The following EFL1 variants were observed in gnomAD, a reference collection of about 807,000 sequenced individuals.
EFL1 encodes the protein elongation factor like GTPase 1, also known as elongation factor-like GTPase 1.
In EFL1, 76 loss-of-function variants were observed where a neutral mutation model predicts 126.7. The observed-to-expected ratio is 0.60, with a 90% confidence interval of 0.50 to 0.73. The LOEUF (loss-of-function observed/expected upper bound fraction) is 0.73, where lower values mean the gene tolerates loss of function less well. EFL1 is among the 30% of genes least tolerant of loss of function. EFL1 has a pLI of 0.00. For missense variants in EFL1, 1,128 were observed against 1,343.2 expected (o/e 0.84, Z 2.50); for synonymous variants, 410 against 448.4 (o/e 0.91, Z 1.08).
chr15:82,246,749 G>C (rs2074976520), intron 4 of EFL1, among the ~76,000 whole-genome samples: 1 of 152,102 alleles, frequency 6.6e-6, no homozygotes, highest in Non-Finnish European at 1.5e-5. Context: ...AGATACAGTG[G>C]CAAGCAGGTG....
At chr15:82,183,908 TA>T (rs1291046648) in intron 15 of EFL1, among the ~76,000 whole-genome samples, 1 of 152,212 alleles carries the variant, frequency 6.6e-6, no homozygotes, top group Non-Finnish European at 1.5e-5. Context: ...GAGCAGTATG[TA>T]TTAGTAATAG....
chr15:82,241,963 A>G (rs1044147039), intron 4 of EFL1, among the ~76,000 whole-genome samples: 4 of 152,208 alleles, frequency 2.6e-5, no homozygotes, highest in African/African-American at 9.7e-5. Context: ...TCTCCCATTA[A>G]TATCTCCTTC....
chr15:82,151,943 G>A lies in EFL1; in HGVS notation c.2511C>T (p.Val837=), dbSNP rs771417466. 1.9e-6 allele frequency: 3 copies of A among 1,614,010 alleles called. No homozygotes were observed. The highest frequency in any genetic ancestry group is 2.2e-5 in the South Asian group (2 of 91,074). Residue 837 remains valine (V), a synonymous_variant, in exon 18 of 20, where the codon GTC becomes GTT. Transcript: ENST00000268206. ...GPRKCGPNIL[V]NKSEDFQNSV... ...AGTTCTGAAAATCTTCACTTTTATTGACTAGTATGTTGGGCCCACATTTTC... is the reference window on the plus strand; with the variant it reads ...AGTTCTGAAAATCTTCACTTTTATTAACTAGTATGTTGGGCCCACATTTTC...
chr15:82,138,823 C>G lies in EFL1; in HGVS notation c.3009G>C (p.Leu1003Phe). The G allele has an allele frequency of 6.2e-7, 1 of 1,613,656 alleles. No homozygotes were observed. The change falls in exon 19 of 20, where the codon TTG becomes TTC. Residue 1003 changes from leucine (L) to phenylalanine (F), a missense_variant. This residue lies in a region of EFL1 where 561 missense variants were observed against 641.7 expected (regional missense o/e 0.87). Transcript: ENST00000268206. ...GDVLGRVYAV[L>F]SKREGRVLQE... Reference sequence around the variant, plus strand: ...GAAGTACCCGACCTTCTCTCTTTGACAAGACAGCATAGACTCGACCTGTAA... The same window carrying G: ...GAAGTACCCGACCTTCTCTCTTTGAGAAGACAGCATAGACTCGACCTGTAA...
chr15:82,232,929 G>A (rs528343442), intron 7 of EFL1, among the ~76,000 whole-genome samples: 1 of 151,912 alleles, frequency 6.6e-6, no homozygotes, highest in African/African-American at 2.4e-5. Flanking sequence ...GTTGATTTGT[G>A]TTACCCAGAC....
rs562800471 is a variant in EFL1, at chr15:82,172,278, A to T, written c.1751-8294T>A. 4.6e-5 allele frequency among the ~76,000 whole-genome samples: 7 copies of T among 152,348 alleles called. No individual in the cohort carries two copies. The East Asian group carries it at 1.2e-3, about 25-fold the overall frequency. On this transcript the variant is annotated intron_variant, in intron 15 of 19. Transcript: ENST00000268206. The stretch of plus-strand genomic sequence containing the variant: ...GCGAGAATAAGCTGCATTATTCATT[A>T]AAGTATGATTAGACTGCGCAACTCA...
At chr15:82,252,449 T>C (rs1228616406) in intron 4 of EFL1, among the ~76,000 whole-genome samples, 2 of 152,200 alleles carry the variant, frequency 1.3e-5, no homozygotes, top group Non-Finnish European at 2.9e-5. Context: ...AAGGAATCCA[T>C]ATAATCACCT....
chr15:82,143,007 C>G (rs1199713865), intron 18 of EFL1, among the ~76,000 whole-genome samples: 1 of 152,100 alleles, frequency 6.6e-6, no homozygotes, highest in Non-Finnish European at 1.5e-5. Context: ...TTTTCTTCTT[C>G]CATAATATTA....
At chr15:82,131,465 A>C (rs904074948) in intron 19 of EFL1, among the ~76,000 whole-genome samples, 1 of 151,776 alleles carries the variant, frequency 6.6e-6, no homozygotes, top group Non-Finnish European at 1.5e-5. Context: ...CTAATTTTTA[A>C]TTTTTTTTCT....
intron 17 of EFL1, among the ~76,000 whole-genome samples, chr15:82,153,526 C>A (rs1401348098): frequency 6.6e-6 from 1 of 151,994 alleles, no homozygotes; most frequent in East Asian, 1.9e-4. Context: ...CTTTAGTAGG[C>A]ACTAGTACTA....
At chr15:82,175,265 C>T (rs950525497) in intron 15 of EFL1, among the ~76,000 whole-genome samples, 1 of 152,150 alleles carries the variant, frequency 6.6e-6, no homozygotes, top group African/African-American at 2.4e-5. Flanking sequence ...GACACTGATA[C>T]AGCTTACTTG....
At chr15:82,169,778 C>T (rs1764547255) in intron 15 of EFL1, among the ~76,000 whole-genome samples, 1 of 152,126 alleles carries the variant, frequency 6.6e-6, no homozygotes, top group South Asian at 2.1e-4. Flanking sequence ...AGTTATTCAA[C>T]TTTCTGTTAG....
chr15:82,171,878 T>TAC (rs1394544607), intron 15 of EFL1, among the ~76,000 whole-genome samples: 2 of 151,732 alleles, frequency 1.3e-5, no homozygotes, highest in African/African-American at 4.9e-5. Context: ...AAAATTTATA[T>TAC]ATACACACAC....
chr15:82,209,343 A>G (rs999482825), intron 15 of EFL1, among the ~76,000 whole-genome samples: 1 of 151,498 alleles, frequency 6.6e-6, no homozygotes, highest in African/African-American at 2.4e-5. Context: ...ACACACACAC[A>G]CACACACACA....
rs553907449 is a variant in EFL1, at chr15:82,217,389, A to C, written c.1611+2263T>G. 9.3e-5 allele frequency among the ~76,000 whole-genome samples: 14 copies of C among 150,646 alleles called. No homozygotes were observed. In the South Asian group the frequency reaches 1.0e-3, roughly 11 times the overall value. On this transcript the variant is annotated intron_variant, in intron 14 of 19. Transcript: ENST00000268206. Reference sequence around the variant, plus strand: ...ATTAGATTTGAAAAAAAAAAAAAAAAAAAAAACGAAAACAGCAAATATATA... The same window carrying C: ...ATTAGATTTGAAAAAAAAAAAAAAACAAAAAACGAAAACAGCAAATATATA...
At chr15:82,156,647 A>G (rs2073971049) in intron 17 of EFL1, among the ~76,000 whole-genome samples, 2 of 138,852 alleles carry the variant, frequency 1.4e-5, no homozygotes, top group Non-Finnish European at 3.0e-5. Flanking sequence ...ACTACCACCG[A>G]TTTTACTGTG....
chr15:82,130,695 A>AT, intron 19 of EFL1, 134 bp from the exon 20 acceptor site: 1 of 930,682 alleles, frequency 1.1e-6, no homozygotes, highest in Non-Finnish European at 1.6e-6. Flanking sequence ...CTTGCTAGGA[A>AT]TGGTAATAAG....
chr15:82,259,774 G>A (rs1032229651), intron 2 of EFL1, among the ~76,000 whole-genome samples: 2 of 152,158 alleles, frequency 1.3e-5, no homozygotes, highest in African/African-American at 4.8e-5. Flanking sequence ...AACTGGGTTG[G>A]AGTAAGCAAA....
intron 15 of EFL1, among the ~76,000 whole-genome samples, chr15:82,168,316 T>A (rs1284157249): frequency 2.0e-5 from 3 of 152,202 alleles, no homozygotes; most frequent in Non-Finnish European, 4.4e-5. Context: ...ATCTCCAAAG[T>A]GGATCAGTAT....
Sources: allele counts gnomAD v4.1 joint callset (sites outside exome capture counted in the v4.1 genomes callset), GRCh38; gene constraint gnomAD v4.1.1; regional missense constraint gnomAD v4.1.1; transcripts MANE v1.5; gene names NCBI Gene and HGNC (gene_info 2026-07-23, HGNC 2026-07-21).